The following PRMT3 variants were observed in gnomAD, a reference collection of about 807,000 sequenced individuals.
PRMT3 encodes the protein protein arginine N-methyltransferase 3.
A neutral mutation model predicts 71.9 loss-of-function variants in PRMT3; 62 were observed. The ratio of observed to expected loss-of-function variants is 0.86; its 90% CI spans 0.70 to 1.07. The LOEUF (loss-of-function observed/expected upper bound fraction) is 1.07. PRMT3 is among the 50% of genes least tolerant of loss of function. The pLI is 0.00. For synonymous variants in PRMT3, 213 were observed against 220.4 expected (o/e 0.97, Z 0.30); for missense variants, 663 against 643.0 (o/e 1.03, Z -0.34).
At chr11:20,416,609 C>G (rs1849310763) in intron 9 of PRMT3, among the ~76,000 whole-genome samples, 1 of 152,262 alleles carries the variant, frequency 6.6e-6, no homozygotes, top group Admixed American at 6.5e-5. Flanking sequence ...CCAAAGCCTG[C>G]AAACCCATTG....
chr11:20,408,117 A>G lies in PRMT3; in HGVS notation c.893+85A>G, dbSNP rs1849113882. ...ATTTTCTTGTCTTTAGTAGCTATCT[A>G]AGGCAGACTAAAGACATTTGTCTTT... On this transcript the variant is annotated intron_variant, in intron 9 of 15. Transcript: ENST00000331079. The G allele has an allele frequency of 7.4e-6, 7 of 949,284 alleles. No individual in the cohort carries two copies. The South Asian group carries it at 1.4e-4, about 19-fold the overall frequency. 58.8% of individuals were successfully genotyped at this position (949,284 alleles called of 1,614,324 possible).
chr11:20,480,357 T>G (rs140335140), intron 13 of PRMT3, among the ~76,000 whole-genome samples: 25 of 152,272 alleles, frequency 1.6e-4, no homozygotes, highest in African/African-American at 4.3e-4. Flanking sequence ...TAGATATCTG[T>G]TTTTTTGCTT....
chr11:20,431,120 T>A (rs927405354), intron 10 of PRMT3, among the ~76,000 whole-genome samples: 1 of 152,152 alleles, frequency 6.6e-6, no homozygotes, highest in African/African-American at 2.4e-5. Flanking sequence ...CCACGAGGCT[T>A]AGCATTAGTA....
intron 15 of PRMT3, among the ~76,000 whole-genome samples, chr11:20,504,745 A>AGAGAGAGAGAGAGAGAGAGAGC (rs1491497481): frequency 2.9e-4 from 41 of 141,250 alleles, no homozygotes; most frequent in African/African-American, 1.0e-3. Context: ...AGAGAGAGAG[A>AGAGAGAGAGAGAGAGAGAGAGC]GCGAGAGCGA....
In PRMT3 at chr11:20,416,258, G is replaced by C. The variant is rs187210951; in HGVS notation, c.893+8226G>C. 3.3e-5 allele frequency among the ~76,000 whole-genome samples: 5 copies of C among 152,170 alleles called. No individual in the cohort carries two copies. In the South Asian group the frequency reaches 1.0e-3, roughly 32 times the overall value. Reference sequence around the variant, plus strand: ...TTTTAAATAAAGAGGAAGAAGGGGTGGGGGGAAGATATGTTTGTCTTGGGA... The same window carrying C: ...TTTTAAATAAAGAGGAAGAAGGGGTCGGGGGAAGATATGTTTGTCTTGGGA... On this transcript the variant is annotated intron_variant, in intron 9 of 15. Coordinates refer to ENST00000331079, the MANE Select transcript of PRMT3 (RefSeq NM_005788.4).
At chr11:20,443,141 A>G (rs367779684) in intron 10 of PRMT3, among the ~76,000 whole-genome samples, 1 of 152,080 alleles carries the variant, frequency 6.6e-6, no homozygotes, top group African/African-American at 2.4e-5. Context: ...TTGAAGGGTC[A>G]TTTTTAAATT....
intron 5 of PRMT3, among the ~76,000 whole-genome samples, chr11:20,394,174 CCTGAGGGGAAAATGTAATATTTG>C (rs1319581157): frequency 6.6e-6 from 1 of 152,134 alleles, no homozygotes; most frequent in Non-Finnish European, 1.5e-5. Flanking sequence ...CCAGTGCTAT[CCTGAGGGGAAAATGTAATATTTG>C]CACTGCTCAC....
intron 13 of PRMT3, among the ~76,000 whole-genome samples, chr11:20,469,956 AGCAGACTTTT>A (rs1850603553): frequency 6.6e-6 from 1 of 152,226 alleles, no homozygotes; most frequent in South Asian, 2.1e-4. Context: ...TTAAAAAAGA[AGCAGACTTTT>A]TTAATACAGT....
At chr11:20,441,951 C>A (rs1849916939) in intron 10 of PRMT3, among the ~76,000 whole-genome samples, 1 of 151,998 alleles carries the variant, frequency 6.6e-6, no homozygotes, top group African/African-American at 2.4e-5. Context: ...TGCCACCACG[C>A]CCGGCTAATT....
intron 10 of PRMT3, among the ~76,000 whole-genome samples, chr11:20,440,104 A>G (rs1849852252): frequency 6.6e-6 from 1 of 152,254 alleles, no homozygotes; most frequent in Non-Finnish European, 1.5e-5. Flanking sequence ...CAAGTGGAGT[A>G]AAGTTCTAAA....
At position 20,508,311 on chromosome 11, in the gene PRMT3, C is replaced by T. The variant is rs1851643250; in HGVS notation, c.1494C>T (p.Ala498=). ...EKPFSVKAGE[A]LKGKVTVHKN... ...TTTGCCTTTGTTTTACAGGTGAAGC[C>T]TTGAAAGGAAAGGTCACAGTTCACA... The change falls in exon 16 of 16, where the codon GCC becomes GCT. Residue 498 remains alanine, a synonymous_variant. Transcript: ENST00000331079. The T allele has an allele frequency of 1.9e-6, 3 of 1,603,114 alleles. No homozygotes were observed. Among genetic ancestry groups the T allele is most frequent in the Non-Finnish European group, 2.6e-6 (3 of 1,170,464 alleles).
intron 11 of PRMT3, among the ~76,000 whole-genome samples, chr11:20,452,514 C>T (rs900055048): frequency 1.3e-5 from 2 of 152,092 alleles, no homozygotes; most frequent in Non-Finnish European, 2.9e-5. Context: ...TAACAAACTC[C>T]TTTTTATTTT....
intron 11 of PRMT3, among the ~76,000 whole-genome samples, chr11:20,455,132 A>G (rs1170786658): frequency 3.9e-5 from 6 of 152,142 alleles, no homozygotes; most frequent in Admixed American, 3.9e-4. Context: ...ATAGGAAAAT[A>G]TTGGTTATGA....
At position 20,407,783 on chromosome 11, in the gene PRMT3, C is replaced by T. The variant is rs1849103738; in HGVS notation, c.772-128C>T. The T allele has an allele frequency of 6.1e-6, 6 of 978,110 alleles. No individual in the cohort carries two copies. The South Asian group carries it at 1.1e-4, about 18-fold the overall frequency. The allele number at this position is 978,110 out of a possible 1,614,324, so 60.6% of individuals were successfully genotyped here. ...GGATTACAGGCGTGAGCCACCGCGCCTGGCCAGTTTCAGATTTTTATTGTG... is the reference window on the plus strand; with the variant it reads ...GGATTACAGGCGTGAGCCACCGCGCTTGGCCAGTTTCAGATTTTTATTGTG... On this transcript the variant is annotated intron_variant, in intron 8 of 15. Coordinates refer to ENST00000331079, the MANE Select transcript of PRMT3 (RefSeq NM_005788.4).
chr11:20,405,224 A>G (rs1398066288), intron 8 of PRMT3, among the ~76,000 whole-genome samples: 2 of 151,994 alleles, frequency 1.3e-5, no homozygotes, highest in Admixed American at 6.5e-5. Context: ...GTTGTCACCC[A>G]CTCATAATTA....
At chr11:20,439,967 G>A (rs1403928213) in intron 10 of PRMT3, among the ~76,000 whole-genome samples, 1 of 152,190 alleles carries the variant, frequency 6.6e-6, no homozygotes, top group Non-Finnish European at 1.5e-5. Flanking sequence ...AAGGTCACTT[G>A]ATTTGTGGTA....
intron 5 of PRMT3, among the ~76,000 whole-genome samples, chr11:20,395,081 C>T (rs1592332727): frequency 1.3e-5 from 2 of 152,016 alleles, no homozygotes; most frequent in South Asian, 4.1e-4. Flanking sequence ...TTTATTTTTT[C>T]CTTGCCTAAA....
chr11:20,500,590 TG>T lies in PRMT3; in HGVS notation c.1486+6337del, dbSNP rs559526826. ...AATAATCCAGAAATAGACCTGCTCT[TG>T]TATAATTAAATTTTTACAAAGGGGC... On this transcript the variant is annotated intron_variant, in intron 15 of 15. Transcript: ENST00000331079. Among the ~76,000 whole-genome samples the T allele has an allele frequency of 2.1e-3, 326 of 152,348 alleles. 1 individual carries two copies. The highest frequency in any genetic ancestry group is 6.8e-3 in the Middle Eastern group (2 of 294).
intron 10 of PRMT3, among the ~76,000 whole-genome samples, chr11:20,434,110 C>T (rs529066059): frequency 1.3e-5 from 2 of 152,226 alleles, no homozygotes; most frequent in East Asian, 3.9e-4. Context: ...TTTTGATGTT[C>T]ATTTCTCTAA....
Sources: gnomAD v4.1 joint callset for allele counts (sites outside exome capture counted in the v4.1 genomes callset) on GRCh38, gnomAD v4.1.1 for gene constraint, MANE v1.5 for transcripts, NCBI Gene and HGNC (gene_info 2026-07-23, HGNC 2026-07-21) for gene names.